IL26: variants seen among roughly 807,000 people sequenced by gnomAD.
IL26 encodes the protein interleukin-26.
Under a neutral mutation model 21.7 loss-of-function variants are expected in IL26, and 23 were observed. The observed-to-expected ratio is 1.06, with a 90% CI of 0.76 to 1.50. The LOEUF is 1.50. Among genes scored for constraint, IL26 ranks in the 40% most tolerant of loss-of-function variants. IL26 has a pLI of 0.00. For missense variants in IL26, 204 were observed against 196.0 expected (o/e 1.04, Z -0.24); for synonymous variants, 63 against 67.8 (o/e 0.93, Z 0.34).
intron 3 of IL26, among the ~76,000 whole-genome samples, chr12:68,206,159 T>C (rs1410489326): frequency 6.6e-6 from 1 of 152,268 alleles, no homozygotes; most frequent in Non-Finnish European, 1.5e-5. Flanking sequence ...AGCAGGAATT[T>C]ATTGTTTCAG....
chr12:68,223,120 T>G (rs1414804943), intron 3 of IL26, among the ~76,000 whole-genome samples: 1 of 151,966 alleles, frequency 6.6e-6, no homozygotes, highest in Non-Finnish European at 1.5e-5. Context: ...CTGCAGTCTT[T>G]CTAACGCTCA....
At chr12:68,208,725 T>A (rs1423147130) in intron 3 of IL26, among the ~76,000 whole-genome samples, 1 of 151,978 alleles carries the variant, frequency 6.6e-6, no homozygotes, top group Non-Finnish European at 1.5e-5. Flanking sequence ...GATCTCGAAC[T>A]CCTGACCTCA....
chr12:68,224,783 GAGACTT>G (rs11570916), intron 3 of IL26, among the ~76,000 whole-genome samples: 41,232 of 149,512 alleles, frequency 0.28, 7,038 homozygotes, highest in Non-Finnish European at 0.4. Flanking sequence ...GAGAGAAAGA[GAGACTT>G]AGAATAGTGT....
intron 3 of IL26, among the ~76,000 whole-genome samples, chr12:68,224,523 A>T (rs190990437): frequency 2.0e-5 from 3 of 152,062 alleles, no homozygotes; most frequent in Admixed American, 2.0e-4. Context: ...GGGCACAAAT[A>T]TTTTTTTAAA....
rs73332707 is a variant in IL26 at position 68,206,410 on chromosome 12, G to A, written c.364-4327C>T. Among the ~76,000 whole-genome samples the A allele has an allele frequency of 1.2e-3, 179 of 152,130 alleles. 1 individual carries two copies. Among genetic ancestry groups the A allele is most frequent in the African/African-American group, 4.1e-3 (171 of 41,504 alleles). ...CAGTGCCTTCTGTGTTTAATTCTTC[G>A]GGTTCTGGGTGGCCAGGAGCATTGC... On this transcript the variant is annotated intron_variant, in intron 3 of 4. Transcript: ENST00000229134.
chr12:68,206,932 C>T (rs2120428419), intron 3 of IL26, among the ~76,000 whole-genome samples: 1 of 152,260 alleles, frequency 6.6e-6, no homozygotes, highest in Non-Finnish European at 1.5e-5. Flanking sequence ...TTCAAACCAT[C>T]CTTTGAGGGC....
At chr12:68,204,293 T>A (rs541083905) in intron 3 of IL26, among the ~76,000 whole-genome samples, 16 of 151,852 alleles carry the variant, frequency 1.1e-4, no homozygotes, top group Middle Eastern at 3.4e-3. Context: ...ACAGGCGCCC[T>A]CCACCACGCC....
chr12:68,201,612 A>T lies in IL26; in HGVS notation c.*233T>A. 1 of 379,802 alleles carries T rather than the reference A, an allele frequency of 2.6e-6. No individual in the cohort carries two copies. Among genetic ancestry groups the T allele is most frequent in the Non-Finnish European group, 4.7e-6 (1 of 213,074 alleles). The allele number at this position is 379,802 out of a possible 1,614,324, so 23.5% of individuals were successfully genotyped here. ...TGACACAATGTACTTGTGAATGACA[A>T]AACATGTTCAGAATGGAAACATTAT... On this transcript the variant is annotated 3_prime_UTR_variant, in exon 5 of 5. Coordinates refer to ENST00000229134, the MANE Select transcript of IL26 (RefSeq NM_018402.2).
chr12:68,215,933 C>T (rs920395222), intron 3 of IL26, among the ~76,000 whole-genome samples: 1 of 151,432 alleles, frequency 6.6e-6, no homozygotes, highest in Non-Finnish European at 1.5e-5. Flanking sequence ...ATCTGCCCAC[C>T]TCAGCCTCCC....
chr12:68,212,078 T>C (rs1403956252), intron 3 of IL26, among the ~76,000 whole-genome samples: 1 of 152,160 alleles, frequency 6.6e-6, no homozygotes, highest in Non-Finnish European at 1.5e-5. Context: ...AGGAGTTTAG[T>C]TTCATTTTTC....
rs747301877 is a variant in IL26 at position 68,201,817 on chromosome 12, C to G, written c.*28G>C. 2.8e-6 allele frequency: 4 copies of G among 1,444,624 alleles called. No individual in the cohort carries two copies. The Middle Eastern group carries it at 5.4e-4, about 194-fold the overall frequency. 89.5% of individuals were successfully genotyped at this position (1,444,624 alleles called of 1,614,324 possible). On this transcript the variant is annotated 3_prime_UTR_variant, in exon 5 of 5. Coordinates refer to ENST00000229134, the MANE Select transcript of IL26 (RefSeq NM_018402.2). ...CAGTTCTTATTGTATTTCAAAATAA[C>G]TGTAAAATCAATGTACTTGGCTTTG...
Position 68,201,559 on chromosome 12 carries a change from A to T in IL26, c.*286T>A, listed in dbSNP as rs773447427. 7.7e-6 allele frequency: 2 copies of T among 260,840 alleles called. No individual in the cohort carries two copies. The highest frequency in any genetic ancestry group is 1.4e-5 in the Non-Finnish European group (2 of 137,978). 16.2% of individuals were successfully genotyped at this position (260,840 alleles called of 1,614,324 possible). ...TCCACACACAAATATTACACGAGTT[A>T]ATTCAGGTTACATACTTTAAATTAA... is the stretch of plus-strand genomic sequence containing the variant. On this transcript the variant is annotated 3_prime_UTR_variant, in exon 5 of 5. Transcript: ENST00000229134.
chr12:68,224,475 C>G (rs1246591408), intron 3 of IL26, among the ~76,000 whole-genome samples: 1 of 151,746 alleles, frequency 6.6e-6, no homozygotes, highest in Non-Finnish European at 1.5e-5. Flanking sequence ...GCATGTCTAT[C>G]CCTTTTTAAG....
At chr12:68,215,872 C>T (rs1592898998) in intron 3 of IL26, among the ~76,000 whole-genome samples, 1 of 151,420 alleles carries the variant, frequency 6.6e-6, no homozygotes, top group Admixed American at 6.6e-5. Context: ...TTAGTAGAGA[C>T]AGGGTTTCAC....
intron 3 of IL26, among the ~76,000 whole-genome samples, chr12:68,221,132 T>C (rs1869033632): frequency 6.6e-6 from 1 of 152,176 alleles, no homozygotes; most frequent in African/African-American, 2.4e-5. Flanking sequence ...ACACAAAAGC[T>C]TCTTTCTTAT....
intron 3 of IL26, among the ~76,000 whole-genome samples, chr12:68,220,523 ATT>A (rs2120469281): frequency 6.6e-6 from 1 of 152,288 alleles, no homozygotes; most frequent in African/African-American, 2.4e-5. Flanking sequence ...TAAATGTAAA[ATT>A]TTTTCATGAC....
chr12:68,223,883 G>GTTTTTTTTTTTTTTTTTTTTTTTTT (rs201652400), intron 3 of IL26, among the ~76,000 whole-genome samples: 1 of 81,916 alleles, frequency 1.2e-5, no homozygotes, highest in Non-Finnish European at 3.1e-5. Flanking sequence ...TAAATTTGGT[G>GTTTTTTTTTTTTTTTTTTTTTTTTT]GTTTTTTTTT....
chr12:68,223,883 G>GTTTT lies in IL26; in HGVS notation c.363+1265_363+1266insAAAA, dbSNP rs201652400. Among the ~76,000 whole-genome samples the GTTTT allele has an allele frequency of 8.3e-4, 68 of 81,850 alleles. 3 individuals are homozygous for GTTTT. Among genetic ancestry groups the GTTTT allele is most frequent in the South Asian group, 2.4e-3 (6 of 2,534 alleles). 53.7% of individuals were successfully genotyped at this position (81,850 alleles called of 152,430 possible). ...AAGAAATAGAGAACTTAAATTTGGT[G>GTTTT]GTTTTTTTTTTTTTTTTTTGCTTGT... On this transcript the variant is annotated intron_variant, in intron 3 of 4. Coordinates refer to ENST00000229134, the MANE Select transcript of IL26 (RefSeq NM_018402.2).
At chr12:68,205,916 C>T (rs901496781) in intron 3 of IL26, among the ~76,000 whole-genome samples, 3 of 152,154 alleles carry the variant, frequency 2.0e-5, no homozygotes, top group Admixed American at 6.5e-5. Context: ...TCTTCCTCAT[C>T]GTCTGGCACT....
Sources: gnomAD v4.1 joint callset for allele counts (sites outside exome capture counted in the v4.1 genomes callset) on GRCh38, gnomAD v4.1.1 for gene constraint, MANE v1.5 for transcripts, NCBI Gene and HGNC (gene_info 2026-07-23, HGNC 2026-07-21) for gene names.